Variants in NFE2 observed in about 807,000 individuals in gnomAD.
The protein encoded by NFE2 is nuclear factor, erythroid 2.
A neutral mutation model predicts 25.8 loss-of-function variants in NFE2; 13 were observed. That is an observed-to-expected ratio of 0.50 (90% CI 0.33 to 0.80). The LOEUF is 0.80. Ranked by LOEUF, NFE2 falls within the 30% of genes least tolerant of loss-of-function variation. The pLI, the probability that NFE2 is intolerant of heterozygous loss-of-function variation, is 0.02. For missense variants in NFE2, 382 were observed against 478.9 expected, an observed-to-expected ratio of 0.80 and a Z score of 1.89; for synonymous variants, 204 against 200.2, an observed-to-expected ratio of 1.02 and a Z score of -0.16.
Position 54,292,835 on chromosome 12 carries a change from C to G in NFE2, c.661G>C (p.Glu221Gln). The stretch of plus-strand genomic sequence containing the variant: ...CGACGTTCATCCCGACTCCCTGCCT[C>G]CCCCCGTGCAGTGGGCTTAGCCCGC... ...PVRAKPTARG[E>Q]AGSRDERRAL... is the part of the protein sequence containing the mutation. Residue 221 changes from glutamate to glutamine, a missense_variant, in exon 3 of 3, where the codon GAG becomes CAG. Coordinates refer to ENST00000435572, the MANE Select transcript of NFE2 (RefSeq NM_001136023.3). The G allele has an allele frequency of 2.5e-6, 4 of 1,614,164 alleles. No homozygotes were observed. Among genetic ancestry groups the G allele is most frequent in the Non-Finnish European group, 3.4e-6 (4 of 1,180,012 alleles).
intron 1 of NFE2, chr12:54,300,015 ACT>A (rs1944408894): frequency 6.6e-6 from 1 of 152,126 alleles, no homozygotes; most frequent in South Asian, 2.1e-4. Context: ...GACATGCATG[ACT>A]CAAACAAATG....
chr12:54,293,667 G>A (rs940038812), intron 2 of NFE2, among the ~76,000 whole-genome samples: 1 of 151,866 alleles, frequency 6.6e-6, no homozygotes, highest in African/African-American at 2.4e-5. Flanking sequence ...TGGACAACAT[G>A]GTGAAACCCC....
intron 1 of NFE2, among the ~76,000 whole-genome samples, chr12:54,297,609 T>C (rs565022192): frequency 1.6e-5 from 2 of 128,268 alleles, no homozygotes; most frequent in African/African-American, 6.2e-5. Flanking sequence ...GAGGTTGCAG[T>C]GAGCTAAGAT....
At chr12:54,294,523 TCTC>T (rs1224748870) in intron 2 of NFE2, among the ~76,000 whole-genome samples, 3 of 152,032 alleles carry the variant, frequency 2.0e-5, no homozygotes, top group Admixed American at 6.6e-5. Context: ...AGCTCTGCCT[TCTC>T]CTCTTCAGTC....
rs184108222 is a variant in NFE2, at chr12:54,293,340, G to A, written c.156C>T (p.Ala52=). The A allele has an allele frequency of 5.1e-6, 8 of 1,560,892 alleles. No homozygotes were observed. In the Admixed American group the frequency reaches 1.3e-4, roughly 26 times the overall value. ...GTGGAGGTCCAAGGTATGGAGCTGG[G>A]GCTTGGGGCTCAAATGATGGCTCAC... The part of the protein sequence containing the change: ...APSEPSFEPQ[A]PAPYLGPPPP... Residue 52 remains alanine (A), a synonymous_variant, in exon 3 of 3, where the codon GCC becomes GCT. Transcript: ENST00000435572.
chr12:54,293,215 TCTGGGACA>T lies in NFE2; in HGVS notation c.273_280del (p.His91GlnfsTer25). Reference sequence around the variant, plus strand: ...CATGTTGCCATAGGAGTATGGGGGATCTGGGACATGGGATGTGGATGCTGGGAGCTCAT... The same window carrying T: ...CATGTTGCCATAGGAGTATGGGGGATTGGGATGTGGATGCTGGGAGCTCAT... On this transcript the variant is annotated frameshift_variant, in exon 3 of 3. Transcript: ENST00000435572. LOFTEE classifies it high-confidence loss of function. The T allele has an allele frequency of 6.2e-7, 1 of 1,604,186 alleles. No homozygotes were observed. The highest frequency in any genetic ancestry group is 8.5e-7 in the Non-Finnish European group (1 of 1,174,938).
intron 1 of NFE2, chr12:54,297,658 T>C (rs1288765542): frequency 1.9e-5 from 2 of 107,388 alleles, no homozygotes; most frequent in African/African-American, 7.9e-5. Flanking sequence ...AGAGTGAGAC[T>C]CTGTTTCGGA....
At chr12:54,295,103 C>A (rs770768041) in intron 2 of NFE2, 32 bp downstream of exon 2, 1 of 1,573,888 alleles carries the variant, frequency 6.4e-7, no homozygotes, top group Non-Finnish European at 8.7e-7. Flanking sequence ...CTCCGACACA[C>A]GGCCTCCCCT....
chr12:54,292,467 G>C lies in NFE2; in HGVS notation c.1029C>G (p.Asn343Lys), dbSNP rs772518460. 1 of 1,614,204 alleles carries C rather than the reference G, an allele frequency of 6.2e-7. No individual in the cohort carries two copies. The highest frequency in any genetic ancestry group is 1.1e-5 in the South Asian group (1 of 91,082). Residue 343 changes from asparagine to lysine, a missense_variant, in exon 3 of 3, where the codon AAC becomes AAG. Transcript: ENST00000435572. ...GCGCGTACTCTTCAGGAGAGTAGCT[G>C]TTGCCTGATTCATCCCGAAGGTGCT... Reference protein sequence around the residue: ...IFQHLRDESGNSYSPEEYALQ... With the variant: ...IFQHLRDESGKSYSPEEYALQ...
chr12:54,294,404 G>A (rs756491380), intron 2 of NFE2, among the ~76,000 whole-genome samples: 5 of 152,052 alleles, frequency 3.3e-5, no homozygotes, highest in Non-Finnish European at 2.9e-5. Context: ...AGAGGGAGCC[G>A]CTGTGTGGGA....
rs1944323623 is a variant in NFE2, at chr12:54,292,308, G to T, written c.*66C>A. 1 of 1,525,678 alleles carries T rather than the reference G, an allele frequency of 6.6e-7. No individual in the cohort carries two copies. Among genetic ancestry groups the T allele is most frequent in the African/African-American group, 1.4e-5 (1 of 73,166 alleles). 94.5% of individuals were successfully genotyped at this position (1,525,678 alleles called of 1,614,324 possible). Reference sequence around the variant, plus strand: ...TCAGCTCCTTCTGGGACTCAGGGTTGGGGAGTACCTTTATCAGAAGGGAAT... The same window carrying T: ...TCAGCTCCTTCTGGGACTCAGGGTTTGGGAGTACCTTTATCAGAAGGGAAT... On this transcript the variant is annotated 3_prime_UTR_variant, in exon 3 of 3. Transcript: ENST00000435572.
chr12:54,293,705 T>C (rs7304860), intron 2 of NFE2, among the ~76,000 whole-genome samples: 115,321 of 152,076 alleles, frequency 0.76, 45,243 homozygotes, highest in East Asian at 1. Flanking sequence ...AAAAATTAGC[T>C]GGGCATGGTG....
At chr12:54,297,129 A>G (rs1374251481) in intron 1 of NFE2, among the ~76,000 whole-genome samples, 1 of 151,988 alleles carries the variant, frequency 6.6e-6, no homozygotes, top group African/African-American at 2.4e-5. Flanking sequence ...CCAAGGTGGA[A>G]GGATTGCTTG....
In NFE2 at chr12:54,292,677, C is replaced by G. The variant is rs2137053480; in HGVS notation, c.819G>C (p.Arg273=). 6.2e-7 allele frequency: 1 copy of G among 1,614,222 alleles called. No homozygotes were observed. Among genetic ancestry groups the G allele is most frequent in the East Asian group, 2.2e-5 (1 of 44,882 alleles). ...QLALVRDIRR[R]GKNKVAAQNC... ...TCTGGGCTGCCACCTTGTTTTTGCC[C>G]CGTCGTCGGATGTCCCGGACTAGCG... Residue 273 remains arginine (R), a synonymous_variant, in exon 3 of 3, where the codon CGG becomes CGC. Coordinates refer to ENST00000435572, the MANE Select transcript of NFE2 (RefSeq NM_001136023.3).
rs78513468 is a variant in NFE2 at position 54,299,050 on chromosome 12, CA to C, written c.-57+1750del. Among the ~76,000 whole-genome samples the C allele has an allele frequency of 0.021, 2,455 of 119,692 alleles. 162 individuals carry two copies. The East Asian group carries it at 0.26, about 13-fold the overall frequency. 78.5% of individuals were successfully genotyped at this position (119,692 alleles called of 152,430 possible). A position where few individuals can be genotyped will look rare whatever the true frequency, so the allele number is the denominator to read the frequency against. Reference sequence around the variant, plus strand: ...TGGGCAACAGAGTAAGACTCTGTCTCAAAAAAAAAAAAAAAGAAGGGGAGCA... The same window carrying C: ...TGGGCAACAGAGTAAGACTCTGTCTCAAAAAAAAAAAAAAGAAGGGGAGCA... On this transcript the variant is annotated intron_variant, in intron 1 of 2. Coordinates refer to ENST00000435572, the MANE Select transcript of NFE2 (RefSeq NM_001136023.3).
intron 2 of NFE2, among the ~76,000 whole-genome samples, chr12:54,293,877 G>A (rs948299637): frequency 6.6e-6 from 1 of 151,956 alleles, no homozygotes; most frequent in East Asian, 1.9e-4. Context: ...TGCAGCTTTA[G>A]CAAGAATGGA....
In NFE2 at chr12:54,292,994, G is replaced by A; in HGVS notation, c.502C>T (p.Arg168Trp). Residue 168 changes from arginine (R) to tryptophan (W), a missense_variant, in exon 3 of 3, where the codon CGG becomes TGG. Coordinates refer to ENST00000435572, the MANE Select transcript of NFE2 (RefSeq NM_001136023.3). ...TACATCTCTACATATTCGCTGCGCC[G>A]CCGACCAGCCTCTGTCCCCTCCAGC... Reference protein sequence around the residue: ...LELEGTEAGRRRSEYVEMYPV... With the variant: ...LELEGTEAGRWRSEYVEMYPV... 3 of 1,541,724 alleles carry A rather than the reference G, an allele frequency of 1.9e-6. No individual in the cohort carries two copies. The highest frequency in any genetic ancestry group is 2.0e-5 in the Admixed American group (1 of 50,706).
At chr12:54,299,145 G>A (rs1944400186) in intron 1 of NFE2, among the ~76,000 whole-genome samples, 1 of 152,100 alleles carries the variant, frequency 6.6e-6, no homozygotes, top group Non-Finnish European at 1.5e-5. Flanking sequence ...CCAGCTCTTG[G>A]GTGCAGTAGC....
chr12:54,297,786 A>C (rs887989549), intron 1 of NFE2: 1 of 152,060 alleles, frequency 6.6e-6, no homozygotes, highest in African/African-American at 2.4e-5. Context: ...CCATCACAGC[A>C]ATTTAATATG....
Sources: gnomAD v4.1 joint callset for allele counts (sites outside exome capture counted in the v4.1 genomes callset) on GRCh38, gnomAD v4.1.1 for gene constraint, MANE v1.5 for transcripts, NCBI Gene and HGNC (gene_info 2026-07-23, HGNC 2026-07-21) for gene names.